The following ELP4 variants were observed in gnomAD, a reference collection of about 807,000 sequenced individuals.
The protein encoded by ELP4 is elongator complex protein 4.
Under a neutral mutation model 48.9 loss-of-function variants are expected in ELP4, and 51 were observed. The observed-to-expected ratio is 1.04, with a 90% CI of 0.83 to 1.32. The LOEUF (loss-of-function observed/expected upper bound fraction) is 1.32. Among genes scored for constraint, ELP4 ranks in the 40% most tolerant of loss-of-function variants. The pLI, the probability that ELP4 is intolerant of heterozygous loss-of-function variation, is 0.00. For synonymous variants in ELP4, 210 were observed against 189.2 expected (o/e 1.11, Z -0.90); for missense variants, 519 against 514.6 (o/e 1.01, Z -0.08).
At chr11:31,749,035 G>A (rs1592278754) in intron 9 of ELP4, among the ~76,000 whole-genome samples, 1 of 152,112 alleles carries the variant, frequency 6.6e-6, no homozygotes, top group Admixed American at 6.5e-5. Context: ...AGGTATGAAT[G>A]CCAGTTGCAT....
At chr11:31,566,595 G>C (rs886311288) in intron 3 of ELP4, among the ~76,000 whole-genome samples, 4 of 152,084 alleles carry the variant, frequency 2.6e-5, no homozygotes, top group Non-Finnish European at 5.9e-5. Context: ...CCATAATCGG[G>C]TAAAATACTT....
At chr11:31,642,898 A>T (rs1332272958) in intron 7 of ELP4, among the ~76,000 whole-genome samples, 1 of 151,854 alleles carries the variant, frequency 6.6e-6, no homozygotes, top group African/African-American at 2.4e-5. Context: ...CACAGTCTTG[A>T]TTACTGTAGA....
At position 31,675,274 on chromosome 11, in the gene ELP4, T is replaced by C. The variant is rs532274663; in HGVS notation, c.1143+25053T>C. Among the ~76,000 whole-genome samples, 46 of 152,176 alleles carry C rather than the reference T, an allele frequency of 3.0e-4. No individual in the cohort carries two copies. The East Asian group carries it at 8.1e-3, about 27-fold the overall frequency. The stretch of plus-strand genomic sequence containing the variant: ...AACAATTAATACATTTAATCTTTTT[T>C]TTTTTTTGAGACGGAGTTTCGCTCT... On this transcript the variant is annotated intron_variant, in intron 9 of 9. Coordinates refer to ENST00000640961, the MANE Select transcript of ELP4 (RefSeq NM_019040.5).
chr11:31,689,604 A>C (rs10835807), intron 9 of ELP4, among the ~76,000 whole-genome samples: 141,517 of 151,988 alleles, frequency 0.93, 66,467 homozygotes, highest in South Asian at 1. Context: ...ATGTGAAAGC[A>C]CCTGCCCAAC....
At chr11:31,623,536 G>A (rs1457278794) in intron 5 of ELP4, among the ~76,000 whole-genome samples, 1 of 149,464 alleles carries the variant, frequency 6.7e-6, no homozygotes, top group Admixed American at 6.7e-5. Flanking sequence ...ATACCTAAAT[G>A]TATTGATTTA....
At chr11:31,564,417 A>G (rs1479245149) in intron 3 of ELP4, among the ~76,000 whole-genome samples, 1 of 150,886 alleles carries the variant, frequency 6.6e-6, no homozygotes, top group African/African-American at 2.4e-5. Flanking sequence ...TCTAGGGTAC[A>G]TGCACACAAC....
chr11:31,517,699 C>T (rs1334638834), intron 1 of ELP4, among the ~76,000 whole-genome samples: 2 of 152,054 alleles, frequency 1.3e-5, no homozygotes, highest in Non-Finnish European at 2.9e-5. Context: ...TCCCTGCAAC[C>T]TCCCCCTCCT....
At chr11:31,601,272 T>C (rs891297265) in intron 4 of ELP4, among the ~76,000 whole-genome samples, 1 of 151,372 alleles carries the variant, frequency 6.6e-6, no homozygotes, top group Non-Finnish European at 1.5e-5. Flanking sequence ...TAATGTTATA[T>C]GTCTTGAGCA....
chr11:31,741,915 A>C (rs1157945678), intron 9 of ELP4, among the ~76,000 whole-genome samples: 2 of 152,238 alleles, frequency 1.3e-5, no homozygotes, highest in African/African-American at 4.8e-5. Context: ...TGACGAGTTG[A>C]GAGAAGAAGG....
intron 9 of ELP4, among the ~76,000 whole-genome samples, chr11:31,694,832 T>C (rs1946364763): frequency 6.6e-6 from 1 of 152,312 alleles, no homozygotes; most frequent in East Asian, 1.9e-4. Context: ...CTTTTTTATT[T>C]CATTGAGCAG....
intron 9 of ELP4, among the ~76,000 whole-genome samples, chr11:31,764,231 C>A (rs564034328): frequency 2.0e-5 from 3 of 152,250 alleles, no homozygotes; most frequent in African/African-American, 7.2e-5. Flanking sequence ...ATTGTCCTGA[C>A]ACCGTTTGAA....
intron 5 of ELP4, among the ~76,000 whole-genome samples, chr11:31,608,194 G>A (rs1239624637): frequency 6.6e-6 from 1 of 152,028 alleles, no homozygotes; most frequent in East Asian, 1.9e-4. Flanking sequence ...GGTAAAGAAA[G>A]CATCCTTTAG....
At chr11:31,515,650 C>T (rs76279371) in intron 1 of ELP4, among the ~76,000 whole-genome samples, 3,014 of 152,098 alleles carry the variant, frequency 0.02, 94 homozygotes, top group African/African-American at 0.068. Flanking sequence ...AGCAACACAG[C>T]GACACCCTGT....
rs191251943 is a variant in ELP4, at chr11:31,785,347, G to A, written c.*1823G>A. The A allele has an allele frequency of 1.9e-3, 350 of 183,918 alleles. 2 individuals are homozygous for A. The highest frequency in any genetic ancestry group is 7.2e-3 in the African/African-American group (308 of 42,748). The allele number at this position is 183,918 out of a possible 1,614,324, so 11.4% of individuals were successfully genotyped here. A position where few individuals can be genotyped will look rare whatever the true frequency, so the allele number is the denominator to read the frequency against. On this transcript the variant is annotated 3_prime_UTR_variant, in exon 10 of 10. Transcript: ENST00000640961. Reference sequence around the variant, plus strand: ...GGAACAATTACATAGCATTTGACTTGCTGAAAAAGAGATACGAGGTCATCA... The same window carrying A: ...GGAACAATTACATAGCATTTGACTTACTGAAAAAGAGATACGAGGTCATCA...
chr11:31,771,105 G>C (rs1287792444), intron 9 of ELP4, among the ~76,000 whole-genome samples: 5 of 152,110 alleles, frequency 3.3e-5, no homozygotes. Flanking sequence ...AACTGCTAGA[G>C]TTTCTCCTTC....
intron 3 of ELP4, among the ~76,000 whole-genome samples, chr11:31,587,575 A>G (rs1352102786): frequency 1.3e-5 from 2 of 152,204 alleles, no homozygotes; most frequent in African/African-American, 4.8e-5. Flanking sequence ...CTTGAACTGA[A>G]GAATTGTTGA....
At chr11:31,771,868 G>C (rs1948150958) in intron 9 of ELP4, among the ~76,000 whole-genome samples, 1 of 152,226 alleles carries the variant, frequency 6.6e-6, no homozygotes, top group Non-Finnish European at 1.5e-5. Context: ...TGTAGTCCCA[G>C]CTTCTCAGGA....
At position 31,647,842 on chromosome 11, in the gene ELP4, T is replaced by G. The variant is rs372439263; in HGVS notation, c.1029T>G (p.Asp343Glu). Residue 343 changes from aspartate (D) to glutamate (E), a missense_variant, in exon 8 of 10, where the codon GAT (aspartate) becomes GAG (glutamate). Physicochemically the swap from Asp to Glu is conservative, Grantham distance 45. Transcript: ENST00000640961. Reference sequence around the variant, plus strand: ...GAGAAACTAACCCATTGTATAAGGATTATCATGGTAAGTACAACCTTCATA... The same window carrying G: ...GAGAAACTAACCCATTGTATAAGGAGTATCATGGTAAGTACAACCTTCATA... ...SERETNPLYK[D>E]YHGLIHIRQI... 1.3e-6 allele frequency: 2 copies of G among 1,580,164 alleles called. No homozygotes were observed. The highest frequency in any genetic ancestry group is 1.7e-6 in the Non-Finnish European group (2 of 1,150,384).
At chr11:31,588,863 A>C (rs900889929) in intron 3 of ELP4, among the ~76,000 whole-genome samples, 7 of 152,138 alleles carry the variant, frequency 4.6e-5, no homozygotes, top group Non-Finnish European at 1.5e-5. Flanking sequence ...CACACCAGTC[A>C]TCCCAGCTGT....
Sources: allele counts gnomAD v4.1 joint callset (sites outside exome capture counted in the v4.1 genomes callset), GRCh38; gene constraint gnomAD v4.1.1; transcripts MANE v1.5; gene names NCBI Gene and HGNC (gene_info 2026-07-23, HGNC 2026-07-21).